The following WASF2 variants were observed in gnomAD, a reference collection of about 807,000 sequenced individuals.
WASF2 encodes actin-binding protein WASF2.
In WASF2, 14 loss-of-function variants were observed where a neutral mutation model predicts 45.0. The observed-to-expected ratio is 0.31, with a 90% confidence interval of 0.21 to 0.49. The LOEUF (loss-of-function observed/expected upper bound fraction) is 0.49. WASF2 is among the 20% of genes least tolerant of loss of function. WASF2 has a pLI of 0.99. For synonymous variants in WASF2, 200 were observed against 236.3 expected, an observed-to-expected ratio of 0.85 and a Z score of 1.41; for missense variants, 439 against 636.1, an observed-to-expected ratio of 0.69 and a Z score of 3.33.
chr1:27,486,911 T>C (rs963164126), intron 1 of WASF2, among the ~76,000 whole-genome samples: 2 of 149,066 alleles, frequency 1.3e-5, no homozygotes, highest in Middle Eastern at 3.3e-3. Flanking sequence ...GTGACTGATA[T>C]ATATATAATA....
At chr1:27,445,874 T>C (rs979654542) in intron 1 of WASF2, among the ~76,000 whole-genome samples, 28 of 151,294 alleles carry the variant, frequency 1.9e-4, no homozygotes, top group Admixed American at 1.8e-3. Context: ...TAATCTTCCA[T>C]CTTCTTTTAC....
chr1:27,419,774 G>A (rs2016880634), intron 2 of WASF2, among the ~76,000 whole-genome samples: 1 of 152,154 alleles, frequency 6.6e-6, no homozygotes, highest in African/African-American at 2.4e-5. Flanking sequence ...ATGGAGCCTT[G>A]AAAATACAGT....
At position 27,405,783 on chromosome 1, in the gene WASF2, T is replaced by TAC. The variant is rs1557592433; in HGVS notation, c.*2405_*2406insGT. ...AGAGCGTCAGGCAGAGCTGTGCTGT[T>TAC]GCTCTCCGGGACTTGCAGATCATTA... is the stretch of plus-strand genomic sequence containing the variant. On this transcript the variant is annotated 3_prime_UTR_variant, in exon 9 of 9. Coordinates refer to ENST00000618852, the MANE Select transcript of WASF2 (RefSeq NM_006990.5). 6.6e-6 allele frequency: 1 copy of TAC among 152,548 alleles called. No homozygotes were observed. The highest frequency in any genetic ancestry group is 6.5e-5 in the Admixed American group (1 of 15,280). The allele number at this position is 152,548 out of a possible 1,614,324, so 9.4% of individuals were successfully genotyped here. A position where few individuals can be genotyped will look rare whatever the true frequency, so the allele number is the denominator to read the frequency against.
chr1:27,487,171 G>A (rs2017941189), intron 1 of WASF2, among the ~76,000 whole-genome samples: 1 of 146,374 alleles, frequency 6.8e-6, no homozygotes, highest in Non-Finnish European at 1.5e-5. Flanking sequence ...TGCGATCTCG[G>A]TTCACTGCAA....
chr1:27,450,968 T>C (rs778109131), intron 1 of WASF2, among the ~76,000 whole-genome samples: 51 of 149,918 alleles, frequency 3.4e-4, no homozygotes, highest in Non-Finnish European at 5.3e-4. Context: ...CTCAACACTT[T>C]GGGAGGCCAA....
intron 1 of WASF2, among the ~76,000 whole-genome samples, chr1:27,431,941 G>C (rs191598749): frequency 1.2e-4 from 18 of 152,310 alleles, no homozygotes; most frequent in Non-Finnish European, 2.4e-4. Context: ...AAAACAATTA[G>C]AAAAGTTTAT....
At chr1:27,463,638 A>C (rs956825713) in intron 1 of WASF2, among the ~76,000 whole-genome samples, 7 of 150,632 alleles carry the variant, frequency 4.6e-5, no homozygotes, top group Admixed American at 3.3e-4. Context: ...AAAAAAAAAA[A>C]AAAAAAACTA....
At chr1:27,443,841 G>C (rs973476280) in intron 1 of WASF2, among the ~76,000 whole-genome samples, 1 of 151,726 alleles carries the variant, frequency 6.6e-6, no homozygotes, top group African/African-American at 2.4e-5. Context: ...TGCAGGGGGG[G>C]GTGATCTCAG....
chr1:27,407,944 A>C lies in WASF2; in HGVS notation c.*245T>G, dbSNP rs910653356. On this transcript the variant is annotated 3_prime_UTR_variant, in exon 9 of 9. Transcript: ENST00000618852. ...CTTTCAATATGCAACAGGCACTTGAAGGAAAGAGGGAACATCCCAGCTACT... is the reference window on the plus strand; with the variant it reads ...CTTTCAATATGCAACAGGCACTTGACGGAAAGAGGGAACATCCCAGCTACT... The C allele has an allele frequency of 2.4e-6, 1 of 423,884 alleles. No homozygotes were observed. The highest frequency in any genetic ancestry group is 4.2e-6 in the Non-Finnish European group (1 of 238,334). 26.3% of individuals were successfully genotyped at this position (423,884 alleles called of 1,614,324 possible).
rs765943231 is a variant in WASF2, at chr1:27,410,090, G to A, written c.941C>T (p.Pro314Leu). The part of the protein sequence containing the change: ...PPLGSPPGPK[P>L]GFAPPPAPPP... The stretch of plus-strand genomic sequence containing the variant: ...AGGGGCAGGTGGTGGAGCAAACCCG[G>A]GTTTAGGGCCTGGTGGAGAGCCTAG... The change falls in exon 8 of 9, where the codon CCC (proline) becomes CTC (leucine). Residue 314 changes from proline (P) to leucine (L), a missense_variant. Around this residue, in one of 5 missense-constraint regions of WASF2, gnomAD observed 286 missense variants for 373.5 expected, o/e 0.77. Coordinates refer to ENST00000618852, the MANE Select transcript of WASF2 (RefSeq NM_006990.5). The surrounding 1 kb of genome is among the most constrained non-coding windows in gnomAD (Gnocchi z 4.2). The A allele has an allele frequency of 9.9e-6, 16 of 1,613,408 alleles. No homozygotes were observed. The Admixed American group carries it at 2.3e-4, about 24-fold the overall frequency.
intron 2 of WASF2, among the ~76,000 whole-genome samples, chr1:27,426,219 C>T (rs2016978744): frequency 6.6e-6 from 1 of 152,082 alleles, no homozygotes; most frequent in African/African-American, 2.4e-5. Flanking sequence ...AAAGTTAACA[C>T]AGAACTTTCA....
At chr1:27,455,732 C>T (rs543064453) in intron 1 of WASF2, among the ~76,000 whole-genome samples, 341 of 152,226 alleles carry the variant, frequency 2.2e-3, no homozygotes, top group Non-Finnish European at 3.9e-3. Flanking sequence ...ATGTGATTAA[C>T]GCTTCCCGGC....
chr1:27,484,210 CTT>C (rs2017892503), intron 1 of WASF2, among the ~76,000 whole-genome samples: 1 of 152,010 alleles, frequency 6.6e-6, no homozygotes, highest in Non-Finnish European at 1.5e-5. Context: ...AAAAATAATT[CTT>C]CATCCTCCAA....
At chr1:27,442,110 T>TA (rs151067960) in intron 1 of WASF2, among the ~76,000 whole-genome samples, 3,847 of 144,464 alleles carry the variant, frequency 0.027, 84 homozygotes, top group Non-Finnish European at 0.039. Flanking sequence ...ACTTCATCTC[T>TA]AAAAAAAAAA....
At chr1:27,428,665 G>C in intron 2 of WASF2, 96 bp downstream of exon 2, 1 of 1,592,954 alleles carries the variant, frequency 6.3e-7, no homozygotes, top group South Asian at 1.1e-5. Context: ...AGGGAAGGCA[G>C]ATGGGGGAGA....
At chr1:27,466,873 C>T (rs2017617156) in intron 1 of WASF2, among the ~76,000 whole-genome samples, 1 of 151,862 alleles carries the variant, frequency 6.6e-6, no homozygotes, top group Non-Finnish European at 1.5e-5. Flanking sequence ...AAACAAATCA[C>T]AATAATTTTT....
intron 1 of WASF2, among the ~76,000 whole-genome samples, chr1:27,449,386 G>T (rs957660227): frequency 6.6e-6 from 1 of 152,084 alleles, no homozygotes. Flanking sequence ...ATCACTTGAG[G>T]TCAGGAGTTC....
chr1:27,448,854 A>C (rs1288735932), intron 1 of WASF2, among the ~76,000 whole-genome samples: 2 of 151,746 alleles, frequency 1.3e-5, no homozygotes, highest in African/African-American at 4.8e-5. Context: ...AAAAAAAAAA[A>C]AAAAAAGGTC....
At chr1:27,472,104 G>A (rs929447761) in intron 1 of WASF2, among the ~76,000 whole-genome samples, 9 of 151,978 alleles carry the variant, frequency 5.9e-5, no homozygotes, top group South Asian at 2.1e-4. Flanking sequence ...AGGCAGAGGC[G>A]GGCAGATCAC....
Sources: allele counts gnomAD v4.1 joint callset (sites outside exome capture counted in the v4.1 genomes callset), GRCh38; gene constraint gnomAD v4.1.1; regional missense constraint gnomAD v4.1.1; non-coding constraint Gnocchi (gnomAD v3.1); transcripts MANE v1.5; gene names NCBI Gene and HGNC (gene_info 2026-07-23, HGNC 2026-07-21).